Variants in TBL1X observed in about 807,000 individuals in gnomAD.
The protein encoded by TBL1X is transducin beta like 1 X-linked.
TBL1X carries 10 observed loss-of-function variants against 50.7 expected under a neutral mutation model. The ratio of observed to expected loss-of-function variants is 0.20; its 90% CI spans 0.12 to 0.33. The LOEUF (loss-of-function observed/expected upper bound fraction) is 0.33. TBL1X is among the 10% of genes least tolerant of loss of function. TBL1X has a pLI of 1.00. For missense variants in TBL1X, 340 were observed against 504.4 expected (o/e 0.67, Z 3.12); for synonymous variants, 190 against 214.7 (o/e 0.88, Z 1.01).
intron 2 of TBL1X, among the ~76,000 whole-genome samples, chrX:9,623,154 C>T (rs994424995): frequency 1.8e-5 from 2 of 111,985 alleles, no homozygotes; most frequent in Non-Finnish European, 3.8e-5. Flanking sequence ...CTGTATCCTG[C>T]AAGCCAAATT....
chrX:9,563,145 C>T (rs746282743), intron 2 of TBL1X, among the ~76,000 whole-genome samples: 18 of 112,648 alleles, frequency 1.6e-4, no homozygotes, highest in Non-Finnish European at 2.2e-4. Context: ...GGGGAGTAGT[C>T]GGCTTGCCAT....
chrX:9,496,692 T>C (rs180814255), intron 1 of TBL1X, among the ~76,000 whole-genome samples: 3 of 111,974 alleles, frequency 2.7e-5, no homozygotes, highest in Non-Finnish European at 5.6e-5. Flanking sequence ...AGAAGATGAT[T>C]AGACCCATAA....
At chrX:9,705,738 A>AG (rs1193200666) in intron 13 of TBL1X, among the ~76,000 whole-genome samples, 89 of 110,123 alleles carry the variant, frequency 8.1e-4, no homozygotes, top group African/African-American at 2.6e-3. Context: ...AAAAAAAAAA[A>AG]AAAAAGAAAA....
chrX:9,465,308 G>A lies in TBL1X; in HGVS notation c.-340G>A, dbSNP rs1351807657. The stretch of plus-strand genomic sequence containing the variant: ...GCGGCGGCGGGGCGGGGGCGGCCCG[G>A]GGGCGGCGCGCGGCTGCTCCGGGGC... On this transcript the variant is annotated 5_prime_UTR_variant, in exon 1 of 18. Coordinates refer to ENST00000645353, the MANE Select transcript of TBL1X (RefSeq NM_005647.4). 1 of 108,034 alleles carries A rather than the reference G, an allele frequency of 9.3e-6. No individual in the cohort carries two copies. The highest frequency in any genetic ancestry group is 2.0e-5 in the Non-Finnish European group (1 of 51,231). The allele number at this position is 108,034 out of a possible 1,213,427, so 8.9% of individuals were successfully genotyped here.
At chrX:9,654,747 A>C (rs1219777986) in intron 5 of TBL1X, among the ~76,000 whole-genome samples, 1 of 110,951 alleles carries the variant, frequency 9.0e-6, no homozygotes, top group African/African-American at 3.3e-5. Flanking sequence ...TCTAAAACTT[A>C]GGAATCGTCG....
intron 2 of TBL1X, among the ~76,000 whole-genome samples, chrX:9,556,195 AAAAAC>A (rs1397704377): frequency 2.9e-5 from 3 of 103,238 alleles, no homozygotes; most frequent in Non-Finnish European, 5.9e-5. Context: ...TAAACAAAAA[AAAAAC>A]AAAACAAAAC....
rs138323001 is a variant in TBL1X, at chrX:9,580,901, A to G, written c.-130-59372A>G. 9.2e-3 allele frequency among the ~76,000 whole-genome samples: 1,028 copies of G among 111,267 alleles called. 14 individuals are homozygous for G. Among genetic ancestry groups the G allele is most frequent in the African/African-American group, 0.032 (964 of 30,551 alleles). On this transcript the variant is annotated intron_variant, in intron 2 of 17. Transcript: ENST00000645353. ...AGGGAACAGATTGTAAATGTTTCTT[A>G]TCAGACTTGAGGTCTGTGATGATGT...
rs751701851 is a variant in TBL1X at position 9,610,431 on chromosome X, A to G, written c.-130-29842A>G. On this transcript the variant is annotated intron_variant, in intron 2 of 17. Coordinates refer to ENST00000645353, the MANE Select transcript of TBL1X (RefSeq NM_005647.4). Reference sequence around the variant, plus strand: ...CCAAAGTTCAGTGTTTCCCAAGGATATATGTGAATGTGTGTCTGTGTGTGA... The same window carrying G: ...CCAAAGTTCAGTGTTTCCCAAGGATGTATGTGAATGTGTGTCTGTGTGTGA... Among the ~76,000 whole-genome samples, 6 of 112,802 alleles carry G rather than the reference A, an allele frequency of 5.3e-5. No individual in the cohort carries two copies. The South Asian group carries it at 2.2e-3, about 41-fold the overall frequency.
chrX:9,614,870 A>G (rs891177476), intron 2 of TBL1X, among the ~76,000 whole-genome samples: 2 of 111,859 alleles, frequency 1.8e-5, no homozygotes, highest in Admixed American at 1.9e-4. Context: ...ATGTGATGAA[A>G]ACACCCCAGG....
Position 9,693,071 on chromosome X carries a change from G to C in TBL1X, c.892-78G>C. 2.8e-6 allele frequency: 3 copies of C among 1,072,931 alleles called. No homozygotes were observed. The East Asian group carries it at 9.0e-5, about 32-fold the overall frequency. 88.4% of individuals were successfully genotyped at this position (1,072,931 alleles called of 1,213,427 possible). On this transcript the variant is annotated intron_variant, in intron 9 of 17. Coordinates refer to ENST00000645353, the MANE Select transcript of TBL1X (RefSeq NM_005647.4). ...ATGGTTCCAGTGTACCTGGATCCTC[G>C]GAGAGGCTCTCCGAGCTGCTTCGGT...
intron 2 of TBL1X, among the ~76,000 whole-genome samples, chrX:9,550,667 A>G (rs1389532020): frequency 8.9e-6 from 1 of 112,352 alleles, no homozygotes; most frequent in African/African-American, 3.2e-5. Flanking sequence ...TGCATTTTCA[A>G]GACCTTCCAA....
intron 2 of TBL1X, among the ~76,000 whole-genome samples, chrX:9,533,775 C>T (rs2082173982): frequency 1.8e-5 from 2 of 111,656 alleles, no homozygotes; most frequent in Non-Finnish European, 3.8e-5. Context: ...CAGGACACTA[C>T]CTCTGCTGGG....
intron 2 of TBL1X, among the ~76,000 whole-genome samples, chrX:9,539,800 A>G (rs1481273516): frequency 8.9e-6 from 1 of 112,031 alleles, no homozygotes; most frequent in African/African-American, 3.2e-5. Flanking sequence ...GGGTTATTAC[A>G]TCTTCCCACT....
chrX:9,579,221 C>A (rs917713631), intron 2 of TBL1X, among the ~76,000 whole-genome samples: 1 of 112,091 alleles, frequency 8.9e-6, no homozygotes, highest in African/African-American at 3.2e-5. Context: ...CAGTGGGATG[C>A]AGGAAACTGT....
At chrX:9,621,287 C>T (rs748434750) in intron 2 of TBL1X, among the ~76,000 whole-genome samples, 8 of 111,797 alleles carry the variant, frequency 7.2e-5, no homozygotes, top group East Asian at 2.8e-4. Context: ...ACTCAAAGGT[C>T]GGGAAGATGC....
At chrX:9,517,835 C>T (rs968282692) in intron 2 of TBL1X, among the ~76,000 whole-genome samples, 9 of 112,081 alleles carry the variant, frequency 8.0e-5, no homozygotes, top group Admixed American at 7.6e-4. Flanking sequence ...CTGGGAGCGG[C>T]GGCTCATGCC....
At chrX:9,570,316 C>T (rs2082378281) in intron 2 of TBL1X, among the ~76,000 whole-genome samples, 1 of 112,129 alleles carries the variant, frequency 8.9e-6, no homozygotes, top group African/African-American at 3.2e-5. Flanking sequence ...AACCTGCTTT[C>T]TCCAGAAAAG....
intron 1 of TBL1X, among the ~76,000 whole-genome samples, chrX:9,495,476 A>T (rs2081966778): frequency 1.8e-5 from 2 of 110,852 alleles, no homozygotes; most frequent in South Asian, 3.8e-4. Flanking sequence ...CCCATTATTC[A>T]CTGGAGCTAT....
At chrX:9,526,070 G>A (rs138859326) in intron 2 of TBL1X, among the ~76,000 whole-genome samples, 1,389 of 106,997 alleles carry the variant, frequency 0.013, 10 homozygotes, top group Middle Eastern at 0.023. Flanking sequence ...AAGATGAAGG[G>A]GTCTGTGTGA....
Sources: gnomAD v4.1 joint callset for allele counts (sites outside exome capture counted in the v4.1 genomes callset) on GRCh38, gnomAD v4.1.1 for gene constraint, MANE v1.5 for transcripts, NCBI Gene and HGNC (gene_info 2026-07-23, HGNC 2026-07-21) for gene names.